The following PAK1 variants were observed in gnomAD, a reference collection of about 807,000 sequenced individuals.
PAK1 encodes serine/threonine-protein kinase PAK 1.
PAK1 carries 29 observed loss-of-function variants against 67.4 expected under a neutral mutation model. The observed-to-expected ratio is 0.43, with a 90% confidence interval of 0.32 to 0.59. The LOEUF (loss-of-function observed/expected upper bound fraction) is 0.59. PAK1 is among the 20% of genes least tolerant of loss of function. PAK1 has a pLI of 0.07. For synonymous variants in PAK1, 223 were observed against 237.4 expected (o/e 0.94, Z 0.56); for missense variants, 337 against 670.7 (o/e 0.50, Z 5.50).
chr11:77,423,540 A>G (rs1003157567), intron 1 of PAK1, among the ~76,000 whole-genome samples: 1 of 152,150 alleles, frequency 6.6e-6, no homozygotes, highest in African/African-American at 2.4e-5. Flanking sequence ...ATTCATGACC[A>G]AATTTTGCTC....
At chr11:77,431,977 G>A (rs998369668) in intron 1 of PAK1, among the ~76,000 whole-genome samples, 1 of 152,136 alleles carries the variant, frequency 6.6e-6, no homozygotes, top group African/African-American at 2.4e-5. Context: ...TCCCACTCTT[G>A]TACTCTAAAG....
intron 14 of PAK1, among the ~76,000 whole-genome samples, chr11:77,330,537 G>A (rs188546015): frequency 0.016 from 2,410 of 152,296 alleles, 29 homozygotes; most frequent in South Asian, 0.028. Context: ...AATGGGGAAA[G>A]GATTCCCTAT....
At chr11:77,363,173 T>C (rs1456983723) in intron 5 of PAK1, among the ~76,000 whole-genome samples, 3 of 151,836 alleles carry the variant, frequency 2.0e-5, no homozygotes, top group East Asian at 1.9e-4. Flanking sequence ...TCAAGGAAAA[T>C]AGTGAAGAAG....
the PAK1 span, among the ~76,000 whole-genome samples, chr11:77,518,595 A>G: frequency 6.6e-6 from 1 of 152,076 alleles, no homozygotes; most frequent in Non-Finnish European, 1.5e-5. Flanking sequence ...CTCAGGTGTT[A>G]ACAAAAATGA....
intron 5 of PAK1, among the ~76,000 whole-genome samples, chr11:77,370,871 T>C (rs1019766088): frequency 1.3e-5 from 2 of 152,210 alleles, no homozygotes; most frequent in East Asian, 1.9e-4. Flanking sequence ...CTACTTAAAA[T>C]AGTCCCTCAG....
chr11:77,391,974 A>G (rs145984076), intron 2 of PAK1, among the ~76,000 whole-genome samples: 3 of 152,362 alleles, frequency 2.0e-5, no homozygotes, highest in East Asian at 3.9e-4. Flanking sequence ...AACATTTCCA[A>G]TTGAAACTAA....
chr11:77,356,064 C>A, intron 6 of PAK1: 3 of 432,842 alleles, frequency 6.9e-6, no homozygotes, highest in Non-Finnish European at 1.2e-5. Context: ...AGAGTCTCAG[C>A]ACTAAAGATA....
the PAK1 span, among the ~76,000 whole-genome samples, chr11:77,509,874 C>A: frequency 6.6e-6 from 1 of 152,190 alleles, no homozygotes; most frequent in African/African-American, 2.4e-5. Context: ...CCTGTACAGC[C>A]TGCAGAACCA....
At chr11:77,342,229 T>A (rs2136262207) in intron 10 of PAK1, among the ~76,000 whole-genome samples, 1 of 123,588 alleles carries the variant, frequency 8.1e-6, no homozygotes, top group African/African-American at 4.4e-5. Context: ...ACAGAGGTAT[T>A]TTTTTTTTTT....
At chr11:77,489,450 CCCACGGTCTCCCTCTCCCTCTCTTT>C in the PAK1 span, among the ~76,000 whole-genome samples, 4 of 151,640 alleles carry the variant, frequency 2.6e-5, no homozygotes, top group African/African-American at 4.8e-5. Flanking sequence ...CTCCCCTCTC[CCCACGGTCTCCCTCTCCCTCTCTTT>C]CCACGGTCTC....
At chr11:77,438,236 A>T (rs989485751) in intron 1 of PAK1, among the ~76,000 whole-genome samples, 3 of 152,148 alleles carry the variant, frequency 2.0e-5, no homozygotes, top group Non-Finnish European at 4.4e-5. Context: ...AGAGGGGTGC[A>T]AGAGGTGCCA....
At chr11:77,433,452 T>C (rs938645401) in intron 1 of PAK1, among the ~76,000 whole-genome samples, 1 of 152,112 alleles carries the variant, frequency 6.6e-6, no homozygotes, top group African/African-American at 2.4e-5. Context: ...ATAGGAGACT[T>C]GTATCCAGGA....
At chr11:77,480,256 CA>C in the PAK1 span, among the ~76,000 whole-genome samples, 2 of 151,998 alleles carry the variant, frequency 1.3e-5, no homozygotes, top group African/African-American at 4.8e-5. Context: ...GGTTTCTGCT[CA>C]AATGTTACCT....
At chr11:77,341,909 T>C (rs10899373) in intron 10 of PAK1, among the ~76,000 whole-genome samples, 9,772 of 152,280 alleles carry the variant, frequency 0.064, 685 homozygotes, top group East Asian at 0.24. Flanking sequence ...TATAATTTTT[T>C]AATGTCCTGA....
chr11:77,514,356 G>A, the PAK1 span, among the ~76,000 whole-genome samples: 3 of 152,106 alleles, frequency 2.0e-5, no homozygotes, highest in African/African-American at 7.2e-5. Flanking sequence ...TTAGTCGGGT[G>A]TAGTGGCGGA....
At chr11:77,363,438 C>T (rs1947070940) in intron 5 of PAK1, among the ~76,000 whole-genome samples, 1 of 152,170 alleles carries the variant, frequency 6.6e-6, no homozygotes, top group African/African-American at 2.4e-5. Context: ...ATCCTTTCCC[C>T]ACTCCCTCCA....
At chr11:77,331,302 T>C (rs1472153513) in intron 14 of PAK1, among the ~76,000 whole-genome samples, 1 of 152,222 alleles carries the variant, frequency 6.6e-6, no homozygotes, top group Non-Finnish European at 1.5e-5. Context: ...CCCAAAGGAT[T>C]ATAAATCATG....
the PAK1 span, among the ~76,000 whole-genome samples, chr11:77,515,197 C>T: frequency 1.3e-5 from 2 of 152,152 alleles, no homozygotes; most frequent in African/African-American, 4.8e-5. Flanking sequence ...ACCATGTGTG[C>T]CTGGCAAAAA....
intron 5 of PAK1, among the ~76,000 whole-genome samples, chr11:77,359,850 C>T (rs492527): frequency 0.7 from 105,864 of 151,980 alleles, 37,638 homozygotes; most frequent in African/African-American, 0.84. Context: ...TTGATAGATA[C>T]CAAATGATTC....
Sources: gnomAD v4.1 joint callset for allele counts (sites outside exome capture counted in the v4.1 genomes callset) on GRCh38, gnomAD v4.1.1 for gene constraint, MANE v1.5 for transcripts, NCBI Gene and HGNC (gene_info 2026-07-23, HGNC 2026-07-21) for gene names.